The following FBN1 variants were observed in gnomAD, a reference collection of about 807,000 sequenced individuals.
The protein encoded by FBN1 is fibrillin 1.
FBN1 carries 29 observed loss-of-function variants against 365.1 expected under a neutral mutation model. That is an observed-to-expected ratio of 0.08 (90% CI 0.06 to 0.11). The LOEUF (loss-of-function observed/expected upper bound fraction) is 0.11, where lower values mean the gene tolerates loss of function less well. FBN1 is among the 10% of genes least tolerant of loss of function. The pLI, the probability that FBN1 is intolerant of heterozygous loss-of-function variation, is 1.00. For synonymous variants in FBN1, 1,210 were observed against 1,270.5 expected, an observed-to-expected ratio of 0.95 and a Z score of 1.01; for missense variants, 2,476 against 3,703.2, an observed-to-expected ratio of 0.67 and a Z score of 8.60.
At chr15:48,497,815 T>C (rs1259532236) in intron 18 of FBN1, among the ~76,000 whole-genome samples, 1 of 152,216 alleles carries the variant, frequency 6.6e-6, no homozygotes, top group African/African-American at 2.4e-5. Context: ...AAAAACAAGG[T>C]ATTATATCGT....
At chr15:48,534,229 A>AG (rs1216242237) in intron 7 of FBN1, 24 bp from the exon 8 acceptor site, 2 of 1,583,230 alleles carry the variant, frequency 1.3e-6, no homozygotes, top group African/African-American at 1.4e-5. Flanking sequence ...GAAGACAGAG[A>AG]GAAAAAAAAA....
At chr15:48,586,146 G>A (rs1339971808) in intron 6 of FBN1, among the ~76,000 whole-genome samples, 1 of 152,164 alleles carries the variant, frequency 6.6e-6, no homozygotes, top group African/African-American at 2.4e-5. Flanking sequence ...AGTTTAAAAT[G>A]TAATAAAATG....
intron 35 of FBN1, 129 bp from the exon 36 acceptor site, chr15:48,470,885 TCTC>T: frequency 5.8e-6 from 6 of 1,040,448 alleles, no homozygotes; most frequent in Non-Finnish European, 8.6e-6. Context: ...TCTGGGCACT[TCTC>T]CTATAGACTT....
At chr15:48,601,228 T>C (rs548018914) in intron 4 of FBN1, among the ~76,000 whole-genome samples, 5 of 152,184 alleles carry the variant, frequency 3.3e-5, no homozygotes, top group Non-Finnish European at 5.9e-5. Context: ...CACGGGCTCA[T>C]AGTGAGCAAT....
intron 6 of FBN1, among the ~76,000 whole-genome samples, chr15:48,544,038 C>T (rs931337623): frequency 1.3e-5 from 2 of 151,836 alleles, no homozygotes; most frequent in Non-Finnish European, 2.9e-5. Context: ...AAAGTGGGAA[C>T]AATTATTCAA....
chr15:48,514,303 A>G (rs573169886), intron 12 of FBN1, among the ~76,000 whole-genome samples: 1 of 152,306 alleles, frequency 6.6e-6, no homozygotes, highest in East Asian at 1.9e-4. Context: ...ACTTGTCCAC[A>G]TGCTTCTTAG....
intron 6 of FBN1, among the ~76,000 whole-genome samples, chr15:48,573,132 A>C (rs2044318599): frequency 6.6e-6 from 1 of 152,236 alleles, no homozygotes; most frequent in Non-Finnish European, 1.5e-5. Context: ...CAGGAGGCTA[A>C]GAAAGCGTTT....
intron 20 of FBN1, 117 bp from the exon 21 acceptor site, chr15:48,495,705 CTAAA>C: frequency 3.7e-6 from 5 of 1,349,986 alleles, no homozygotes; most frequent in Non-Finnish European, 4.2e-6. Flanking sequence ...TAAAGCTGGG[CTAAA>C]TAGTTTTTCC....
In FBN1 at chr15:48,484,735, C is replaced by A. The variant is rs575472725; in HGVS notation, c.3712+639G>T. ...TTTTTTAAGGGACATTTTTCTAGGTCAGTAAAATAATTTTGGTTCCTAAAT... is the reference window on the plus strand; with the variant it reads ...TTTTTTAAGGGACATTTTTCTAGGTAAGTAAAATAATTTTGGTTCCTAAAT... On this transcript the variant is annotated intron_variant, in intron 30 of 65. Coordinates refer to ENST00000316623, the MANE Select transcript of FBN1 (RefSeq NM_000138.5). Among the ~76,000 whole-genome samples, 11 of 152,270 alleles carry A rather than the reference C, an allele frequency of 7.2e-5. No homozygotes were observed. The East Asian group carries it at 2.1e-3, about 29-fold the overall frequency.
chr15:48,620,118 A>C (rs930424071), intron 2 of FBN1, among the ~76,000 whole-genome samples: 1 of 152,210 alleles, frequency 6.6e-6, no homozygotes, highest in African/African-American at 2.4e-5. Context: ...GACAACATAA[A>C]AACATTGCTG....
At chr15:48,591,347 A>C (rs1185391264) in intron 6 of FBN1, among the ~76,000 whole-genome samples, 1 of 152,200 alleles carries the variant, frequency 6.6e-6, no homozygotes, top group Middle Eastern at 3.2e-3. Context: ...CTGATTCTGT[A>C]AAGGCACCTC....
chr15:48,574,278 A>G (rs2044328319), intron 6 of FBN1, among the ~76,000 whole-genome samples: 1 of 152,178 alleles, frequency 6.6e-6, no homozygotes, highest in Non-Finnish European at 1.5e-5. Flanking sequence ...GGAAATAGAG[A>G]AGTGATTCTT....
At chr15:48,612,156 T>A (rs1278232131) in intron 3 of FBN1, among the ~76,000 whole-genome samples, 5 of 152,238 alleles carry the variant, frequency 3.3e-5, no homozygotes, top group Non-Finnish European at 4.4e-5. Context: ...AAGGAGATGC[T>A]TTCTGGTCAA....
At chr15:48,598,751 TG>T (rs1255130393) in intron 5 of FBN1, among the ~76,000 whole-genome samples, 1 of 152,200 alleles carries the variant, frequency 6.6e-6, no homozygotes, top group Admixed American at 6.5e-5. Flanking sequence ...CTCTCCAGGC[TG>T]GGCTACACAA....
At chr15:48,536,031 GC>G (rs1464702618) in intron 7 of FBN1, among the ~76,000 whole-genome samples, 1 of 152,002 alleles carries the variant, frequency 6.6e-6, no homozygotes, top group African/African-American at 2.4e-5. Flanking sequence ...GAACCCATTT[GC>G]CCACAGCCCC....
intron 63 of FBN1, among the ~76,000 whole-genome samples, chr15:48,419,676 A>G (rs2042925451): frequency 6.6e-6 from 1 of 152,242 alleles, no homozygotes; most frequent in South Asian, 2.1e-4. Context: ...GATGATTTTG[A>G]TAAATGAAAA....
rs755085498 is a variant in FBN1 at position 48,472,571 on chromosome 15, G to A, written c.4316C>T (p.Ala1439Val). The A allele has an allele frequency of 6.2e-7, 1 of 1,613,694 alleles. No individual in the cohort carries two copies. Among genetic ancestry groups the A allele is most frequent in the Non-Finnish European group, 8.5e-7 (1 of 1,179,958 alleles). The stretch of plus-strand genomic sequence containing the variant: ...GTTACCTTCACAGGCTTTCCCGTCA[G>A]CACTGGGCACGAAGCCCATGTCGCA... ...CECDMGFVPS[A>V]DGKACEDIDE... The change falls in exon 35 of 66, where the codon GCT becomes GTT. Residue 1439 changes from alanine (A) to valine (V), a missense_variant. Around this residue, in one of 5 missense-constraint regions of FBN1, gnomAD observed 1,780 missense variants for 2,840.8 expected, o/e 0.63. Coordinates refer to ENST00000316623, the MANE Select transcript of FBN1 (RefSeq NM_000138.5).
chr15:48,512,013 C>G (rs368276025), intron 13 of FBN1, among the ~76,000 whole-genome samples: 2 of 152,184 alleles, frequency 1.3e-5, no homozygotes, highest in East Asian at 3.8e-4. Flanking sequence ...AGGTTCTCAA[C>G]TCAGTTACGT....
chr15:48,572,361 G>A (rs1163588513), intron 6 of FBN1, among the ~76,000 whole-genome samples: 2 of 152,024 alleles, frequency 1.3e-5, no homozygotes, highest in African/African-American at 4.8e-5. Context: ...TACCTTTGTA[G>A]GGGCAAGAGG....
Sources: gnomAD v4.1 joint callset for allele counts (sites outside exome capture counted in the v4.1 genomes callset) on GRCh38, gnomAD v4.1.1 for gene constraint, gnomAD v4.1.1 regional missense constraint, MANE v1.5 for transcripts, NCBI Gene and HGNC (gene_info 2026-07-23, HGNC 2026-07-21) for gene names.